The following ZNF385D variants were observed in gnomAD, a reference collection of about 807,000 sequenced individuals.
The protein encoded by ZNF385D is zinc finger protein 659.
A neutral mutation model predicts 35.8 loss-of-function variants in ZNF385D; 15 were observed. The observed-to-expected ratio is 0.42, with a 90% CI of 0.28 to 0.64. ZNF385D has a LOEUF of 0.64. Among genes scored for constraint, ZNF385D ranks in the 30% least tolerant of loss-of-function variants. ZNF385D has a pLI of 0.23. For missense variants in ZNF385D, 474 were observed against 494.6 expected, an observed-to-expected ratio of 0.96 and a Z score of 0.39; for synonymous variants, 212 against 186.8, an observed-to-expected ratio of 1.13 and a Z score of -1.10.
At chr3:21,729,672 A>G (rs917507401) in intron 1 of ZNF385D, among the ~76,000 whole-genome samples, 1 of 152,202 alleles carries the variant, frequency 6.6e-6, no homozygotes, top group Non-Finnish European at 1.5e-5. Flanking sequence ...CTCAAAAAGA[A>G]AATGAGAGGT....
chr3:22,107,851 T>A (rs77567531), intron 3 of ZNF385D, among the ~76,000 whole-genome samples: 16,230 of 151,964 alleles, frequency 0.11, 1,071 homozygotes, highest in Admixed American at 0.19. Context: ...TTTGAATGTG[T>A]CTGCTTCAAA....
chr3:22,192,804 A>G (rs1331069709), intron 2 of ZNF385D, among the ~76,000 whole-genome samples: 1 of 152,182 alleles, frequency 6.6e-6, no homozygotes, highest in Non-Finnish European at 1.5e-5. Context: ...TGCCTCCTCT[A>G]CACAAATTCT....
intron 1 of ZNF385D, among the ~76,000 whole-genome samples, chr3:21,673,373 T>A (rs1380457696): frequency 6.6e-6 from 1 of 152,100 alleles, no homozygotes; most frequent in Non-Finnish European, 1.5e-5. Flanking sequence ...TCACAGAAGG[T>A]GCTATTGGAC....
intron 2 of ZNF385D, among the ~76,000 whole-genome samples, chr3:22,234,029 G>A (rs551185496): frequency 1.3e-5 from 2 of 152,150 alleles, no homozygotes; most frequent in South Asian, 4.1e-4. Flanking sequence ...ACTATCTGAA[G>A]CCAGCTAAAA....
intron 3 of ZNF385D, among the ~76,000 whole-genome samples, chr3:22,073,866 C>G (rs888416294): frequency 1.6e-4 from 24 of 152,084 alleles, no homozygotes; most frequent in African/African-American, 4.3e-4. Context: ...TTTTATAAAA[C>G]AGCCTTTACG....
chr3:22,172,802 A>C (rs761936699), intron 2 of ZNF385D, among the ~76,000 whole-genome samples: 12 of 152,226 alleles, frequency 7.9e-5, no homozygotes, highest in Non-Finnish European at 1.3e-4. Flanking sequence ...GATAGATACC[A>C]AACTCTCATT....
chr3:22,329,678 A>G (rs1346250856), intron 2 of ZNF385D, among the ~76,000 whole-genome samples: 1 of 152,198 alleles, frequency 6.6e-6, no homozygotes, highest in Non-Finnish European at 1.5e-5. Flanking sequence ...TAAATATTAT[A>G]TAGATCAACA....
Position 21,560,858 on chromosome 3 carries a change from T to A in ZNF385D, c.276+3716A>T, listed in dbSNP as rs553676336. Reference sequence around the variant, plus strand: ...AGATGCCCTGCCCAGGGAGGAGGAATCTAGAGAGACAGTCTGGCCACAGGG... The same window carrying A: ...AGATGCCCTGCCCAGGGAGGAGGAAACTAGAGAGACAGTCTGGCCACAGGG... On this transcript the variant is annotated intron_variant, in intron 3 of 7. Coordinates refer to ENST00000281523, the MANE Select transcript of ZNF385D (RefSeq NM_024697.3). Among the ~76,000 whole-genome samples the A allele has an allele frequency of 1.1e-3, 160 of 152,094 alleles. 1 individual carries two copies. The highest frequency in any genetic ancestry group is 3.7e-3 in the African/African-American group (155 of 41,488).
chr3:21,926,680 C>T (rs1700746308), intron 3 of ZNF385D, among the ~76,000 whole-genome samples: 1 of 152,066 alleles, frequency 6.6e-6, no homozygotes. Context: ...AATGTAAGAC[C>T]TAAAACCATA....
At chr3:22,013,820 A>G (rs932772675) in intron 3 of ZNF385D, among the ~76,000 whole-genome samples, 13 of 152,218 alleles carry the variant, frequency 8.5e-5, no homozygotes, top group East Asian at 5.8e-4. Flanking sequence ...TCAGAGCACA[A>G]GTGTTCCACA....
intron 3 of ZNF385D, among the ~76,000 whole-genome samples, chr3:21,895,794 A>T (rs558913219): frequency 1.3e-5 from 2 of 152,260 alleles, no homozygotes; most frequent in African/African-American, 4.8e-5. Flanking sequence ...AAGAAAGTGA[A>T]TAGTAGTTTG....
chr3:21,696,344 A>G (rs2067469108), intron 1 of ZNF385D, among the ~76,000 whole-genome samples: 1 of 152,208 alleles, frequency 6.6e-6, no homozygotes, highest in South Asian at 2.1e-4. Context: ...TGAAATGGAG[A>G]TAGTAAACTC....
At chr3:22,216,650 G>A (rs1006250392) in intron 2 of ZNF385D, among the ~76,000 whole-genome samples, 15 of 152,140 alleles carry the variant, frequency 9.9e-5, no homozygotes, top group African/African-American at 3.6e-4. Flanking sequence ...AGTAGATTGA[G>A]CTGTGTCATA....
chr3:21,583,963 T>TTTAC (rs142996739), intron 2 of ZNF385D, among the ~76,000 whole-genome samples: 21,096 of 132,508 alleles, frequency 0.16, 1,561 homozygotes, highest in East Asian at 0.19. Flanking sequence ...TATTTACTTA[T>TTTAC]TTATTTATTT....
chr3:22,267,127 C>T (rs185709359), intron 2 of ZNF385D, among the ~76,000 whole-genome samples: 1 of 152,056 alleles, frequency 6.6e-6, no homozygotes, highest in African/African-American at 2.4e-5. Context: ...AGCTAACTCA[C>T]TGCTTTCATC....
At chr3:21,726,374 G>C (rs1279090582) in intron 1 of ZNF385D, among the ~76,000 whole-genome samples, 1 of 152,142 alleles carries the variant, frequency 6.6e-6, no homozygotes, top group African/African-American at 2.4e-5. Context: ...AATAGGTAAA[G>C]AAGAAGTCAA....
intron 3 of ZNF385D, among the ~76,000 whole-genome samples, chr3:21,955,403 C>A (rs35744729): frequency 2.0e-5 from 3 of 152,078 alleles, no homozygotes; most frequent in Non-Finnish European, 2.9e-5. Flanking sequence ...AAGATGGGTT[C>A]TCTTGTCTCC....
chr3:21,852,975 T>A (rs1696479661), intron 3 of ZNF385D, among the ~76,000 whole-genome samples: 1 of 151,916 alleles, frequency 6.6e-6, no homozygotes, highest in Non-Finnish European at 1.5e-5. Flanking sequence ...ACTTGTTCCC[T>A]CCACACTAAT....
At chr3:22,015,262 T>G (rs935484793) in intron 3 of ZNF385D, among the ~76,000 whole-genome samples, 5 of 152,284 alleles carry the variant, frequency 3.3e-5, no homozygotes, top group Admixed American at 3.3e-4. Context: ...ATGCCTTAAT[T>G]AGCATATAAA....
Sources: gnomAD v4.1 joint callset for allele counts (sites outside exome capture counted in the v4.1 genomes callset) on GRCh38, gnomAD v4.1.1 for gene constraint, MANE v1.5 for transcripts, NCBI Gene and HGNC (gene_info 2026-07-23, HGNC 2026-07-21) for gene names.